SLC12A3: variants seen among roughly 807,000 people sequenced by gnomAD.
The protein encoded by SLC12A3 is Na-Cl cotransporter.
In SLC12A3, 104 loss-of-function variants were observed where a neutral mutation model predicts 121.0. The observed-to-expected ratio is 0.86, with a 90% CI of 0.73 to 1.01. The LOEUF is 1.01. SLC12A3 is among the 50% of genes least tolerant of loss of function. The pLI, the probability that SLC12A3 is intolerant of heterozygous loss-of-function variation, is 0.00. For missense variants in SLC12A3, 1,328 were observed against 1,356.3 expected, an observed-to-expected ratio of 0.98 and a Z score of 0.33; for synonymous variants, 536 against 533.4, an observed-to-expected ratio of 1.00 and a Z score of -0.07.
intron 22 of SLC12A3, among the ~76,000 whole-genome samples, chr16:56,897,392 G>A (rs919883507): frequency 6.6e-6 from 1 of 152,164 alleles, no homozygotes; most frequent in Non-Finnish European, 1.5e-5. Context: ...CAGGGTCAGA[G>A]TAGGAGGGGA....
chr16:56,894,698 C>A, intron 22 of SLC12A3, 56 bp downstream of exon 22: 1 of 1,330,556 alleles, frequency 7.5e-7, no homozygotes, highest in Non-Finnish European at 1.1e-6. Flanking sequence ...CATCTTAGCT[C>A]CACCCAAGGC....
At chr16:56,911,945 G>C (rs1360945706) in intron 25 of SLC12A3, among the ~76,000 whole-genome samples, 1 of 152,256 alleles carries the variant, frequency 6.6e-6, no homozygotes, top group African/African-American at 2.4e-5. Context: ...AACATCCTGC[G>C]AGGGAGGTTT....
intron 24 of SLC12A3, among the ~76,000 whole-genome samples, chr16:56,903,763 G>A (rs542044501): frequency 9.9e-5 from 13 of 131,256 alleles, no homozygotes; most frequent in African/African-American, 2.1e-4. Flanking sequence ...CCAGTCCCAC[G>A]CAAGTTTGGG....
intron 25 of SLC12A3, among the ~76,000 whole-genome samples, chr16:56,909,359 AGAT>A (rs1233383125): frequency 6.6e-6 from 1 of 152,044 alleles, no homozygotes; most frequent in African/African-American, 2.4e-5. Context: ...TTAAGCCATA[AGAT>A]GAAGAATTTC....
intron 13 of SLC12A3, among the ~76,000 whole-genome samples, chr16:56,883,407 A>G (rs1158112370): frequency 6.9e-6 from 1 of 145,744 alleles, no homozygotes; most frequent in African/African-American, 2.6e-5. Context: ...CAGCCTCCCC[A>G]GTAGCTGGGA....
chr16:56,898,146 C>A (rs2055490543), intron 22 of SLC12A3, among the ~76,000 whole-genome samples: 1 of 152,250 alleles, frequency 6.6e-6, no homozygotes, highest in South Asian at 2.1e-4. Context: ...ATCAGAATCA[C>A]CTGGGGCATT....
intron 8 of SLC12A3, among the ~76,000 whole-genome samples, 155 bp from the exon 9 acceptor site, chr16:56,877,922 C>T (rs1314490319): frequency 6.6e-6 from 1 of 152,204 alleles, no homozygotes; most frequent in African/African-American, 2.4e-5. Flanking sequence ...GGAACAGGGG[C>T]TCTGAGGGGC....
intron 1 of SLC12A3, 102 bp downstream of exon 1, chr16:56,865,619 T>A: frequency 7.7e-7 from 1 of 1,291,636 alleles, no homozygotes. Context: ...GCCATGGGGA[T>A]GGAGGAGCGT....
At chr16:56,869,572 C>T (rs1221761655) in intron 3 of SLC12A3, among the ~76,000 whole-genome samples, 157 bp from the exon 4 acceptor site, 5 of 152,254 alleles carry the variant, frequency 3.3e-5, no homozygotes, top group East Asian at 1.9e-4. Flanking sequence ...ATGATCTGCC[C>T]GCCTCGGCCT....
At chr16:56,877,544 T>A in intron 8 of SLC12A3, among the ~76,000 whole-genome samples, 1 of 152,238 alleles carries the variant, frequency 6.6e-6, no homozygotes, top group East Asian at 1.9e-4. Flanking sequence ...GCATAATGAT[T>A]GAACACGCTG....
At position 56,870,484 on chromosome 16, in the gene SLC12A3, G is replaced by A; in HGVS notation, c.742-142G>A. The A allele has an allele frequency of 3.9e-6, 3 of 760,390 alleles. No homozygotes were observed. The South Asian group carries it at 4.4e-5, about 11-fold the overall frequency. 47.1% of individuals were successfully genotyped at this position (760,390 alleles called of 1,614,324 possible). Reference sequence around the variant, plus strand: ...CAGGCCCGTGCAGCAGCTGCTTTGGGGACTCGATGGCAGGGGTGGTGCTTG... The same window carrying A: ...CAGGCCCGTGCAGCAGCTGCTTTGGAGACTCGATGGCAGGGGTGGTGCTTG... On this transcript the variant is annotated intron_variant, in intron 5 of 25. Transcript: ENST00000563236.
Position 56,878,020 on chromosome 16 carries a change from GTCCCTCCCTCCCTCTCTCCCTCCC to G in SLC12A3, c.1096-29_1096-6del, listed in dbSNP as rs1361491951. ...GCCCAGGGGCTGCCTAATGTCCTCC[GTCCCTCCCTCCCTCTCTCCCTCCC>G]TCCCTCCCTCCCTCTCTCCCTCCCT... is the stretch of plus-strand genomic sequence containing the variant. On this transcript the variant is annotated intron_variant, in intron 8 of 25. Transcript: ENST00000563236. 7.5e-4 allele frequency: 451 copies of G among 601,170 alleles called. 4 individuals are homozygous for G. Among genetic ancestry groups the G allele is most frequent in the Middle Eastern group, 2.3e-3 (4 of 1,756 alleles). The allele number at this position is 601,170 out of a possible 1,614,324, so 37.2% of individuals were successfully genotyped here.
At chr16:56,892,508 TG>T (rs2055402265) in intron 20 of SLC12A3, among the ~76,000 whole-genome samples, 1 of 152,096 alleles carries the variant, frequency 6.6e-6, no homozygotes, top group Non-Finnish European at 1.5e-5. Context: ...CACGGCATCA[TG>T]GGGACCCACC....
At chr16:56,887,745 T>C (rs1325438879) in intron 17 of SLC12A3, among the ~76,000 whole-genome samples, 180 bp from the exon 18 acceptor site, 1 of 144,646 alleles carries the variant, frequency 6.9e-6, no homozygotes, top group Non-Finnish European at 1.5e-5. Context: ...TAAAGTTTTG[T>C]TTTGTGCAAA....
rs901269047 is a variant in SLC12A3 at position 56,914,653 on chromosome 16, A to T, written c.*1248A>T. ...TCTCACCGGGAAGAAAAGCAGATTG[A>T]CAGAACACGTGAGGAGGGGTATTGA... On this transcript the variant is annotated 3_prime_UTR_variant, in exon 26 of 26. Transcript: ENST00000563236. 4.6e-5 allele frequency: 7 copies of T among 152,272 alleles called. No homozygotes were observed. The highest frequency in any genetic ancestry group is 8.8e-5 in the Non-Finnish European group (6 of 68,072). The allele number at this position is 152,272 out of a possible 1,614,324, so 9.4% of individuals were successfully genotyped here. A position where few individuals can be genotyped will look rare whatever the true frequency, so the allele number is the denominator to read the frequency against.
rs1457987935 is a variant in SLC12A3, at chr16:56,868,186, G to A, written c.430-111G>A. 4.1e-6 allele frequency: 4 copies of A among 971,614 alleles called. No individual in the cohort carries two copies. In the Admixed American group the frequency reaches 7.9e-5, roughly 19 times the overall value. The allele number at this position is 971,614 out of a possible 1,614,324, so 60.2% of individuals were successfully genotyped here. A position where few individuals can be genotyped will look rare whatever the true frequency, so the allele number is the denominator to read the frequency against. On this transcript the variant is annotated intron_variant, in intron 2 of 25. Coordinates refer to ENST00000563236, the MANE Select transcript of SLC12A3 (RefSeq NM_001126108.2). ...CTGAAGTGGGTGAAGAAGGGACCCA[G>A]GTGTCCCTAGGGCCTAGGTGCTCGA... is the stretch of plus-strand genomic sequence containing the variant.
chr16:56,868,380 C>A lies in SLC12A3; in HGVS notation c.505+8C>A. The stretch of plus-strand genomic sequence containing the variant: ...CGGCCCAGGCAGGCATCGGTGAGTG[C>A]CCCTCTGGGGAAGAGGAGGGAGGGC... On this transcript the variant is annotated splice_region_variant and intron_variant, in intron 3 of 25. Transcript: ENST00000563236. 1 of 1,610,142 alleles carries A rather than the reference C, an allele frequency of 6.2e-7. No homozygotes were observed. Among genetic ancestry groups the A allele is most frequent in the South Asian group, 1.1e-5 (1 of 90,270 alleles).
At chr16:56,902,531 G>GGGGGGTGGGGGGGGC in intron 24 of SLC12A3, 23 bp downstream of exon 24, 1 of 714,568 alleles carries the variant, frequency 1.4e-6, no homozygotes. Context: ...GTGGGGGTGG[G>GGGGGGTGGGGGGGGC]AAACGCGACA....
At chr16:56,903,676 G>A (rs763303512) in intron 24 of SLC12A3, among the ~76,000 whole-genome samples, 4 of 152,146 alleles carry the variant, frequency 2.6e-5, no homozygotes, top group South Asian at 2.1e-4. Flanking sequence ...ATCCGTCCAC[G>A]ATCAGTTCCT....
Sources: gnomAD v4.1 joint callset for allele counts (sites outside exome capture counted in the v4.1 genomes callset) on GRCh38, gnomAD v4.1.1 for gene constraint, MANE v1.5 for transcripts, NCBI Gene and HGNC (gene_info 2026-07-23, HGNC 2026-07-21) for gene names.